Variants in CTNNA3 observed in about 807,000 individuals in gnomAD.
The protein encoded by CTNNA3 is catenin alpha-3.
A neutral mutation model predicts 95.7 loss-of-function variants in CTNNA3; 76 were observed. The ratio of observed to expected loss-of-function variants is 0.79; its 90% CI spans 0.66 to 0.96. The LOEUF (loss-of-function observed/expected upper bound fraction) is 0.96. Ranked by LOEUF, CTNNA3 falls within the 40% of genes least tolerant of loss-of-function variation. CTNNA3 has a pLI of 0.00. For missense variants in CTNNA3, 1,191 were observed against 1,089.8 expected (o/e 1.09, Z -1.31); for synonymous variants, 431 against 374.4 (o/e 1.15, Z -1.74).
Position 65,958,720 on chromosome 10 carries a change from C to T in CTNNA3, c.2400+7892G>A, listed in dbSNP as rs193166603. On this transcript the variant is annotated intron_variant, in intron 17 of 17. Transcript: ENST00000433211. Reference sequence around the variant, plus strand: ...CTGCAGAACAGCAAATATTGCAGAACGGCAAGTGCTGCTGCCTGATCCCTC... The same window carrying T: ...CTGCAGAACAGCAAATATTGCAGAATGGCAAGTGCTGCTGCCTGATCCCTC... 8.0e-4 allele frequency among the ~76,000 whole-genome samples: 122 copies of T among 152,262 alleles called. 1 individual carries two copies. Among genetic ancestry groups the T allele is most frequent in the African/African-American group, 2.2e-3 (90 of 41,546 alleles).
At chr10:67,422,346 T>G (rs1312385381) in intron 5 of CTNNA3, among the ~76,000 whole-genome samples, 1 of 152,138 alleles carries the variant, frequency 6.6e-6, no homozygotes, top group African/African-American at 2.4e-5. Flanking sequence ...GTCTCCAACT[T>G]ACTCTCAAAA....
intron 7 of CTNNA3, among the ~76,000 whole-genome samples, chr10:66,985,293 T>A (rs187192040): frequency 6.6e-6 from 1 of 152,308 alleles, no homozygotes; most frequent in Non-Finnish European, 1.5e-5. Context: ...ATAGCACATA[T>A]AATGCAGAAT....
chr10:66,803,837 A>T (rs960429699), intron 7 of CTNNA3, among the ~76,000 whole-genome samples: 1 of 152,048 alleles, frequency 6.6e-6, no homozygotes, highest in African/African-American at 2.4e-5. Flanking sequence ...CTACCTCTTA[A>T]ATCTTCCATT....
In CTNNA3 at chr10:66,754,815, G is replaced by A. The variant is rs543466421; in HGVS notation, c.1281+11449C>T. 3.2e-4 allele frequency among the ~76,000 whole-genome samples: 48 copies of A among 152,186 alleles called. No individual in the cohort carries two copies. The East Asian group carries it at 4.2e-3, about 13-fold the overall frequency. On this transcript the variant is annotated intron_variant, in intron 9 of 17. Transcript: ENST00000433211. ...CAAAGGCAAATAGTAACAACTGTTG[G>A]CATGTAGAGAATTGAAGCCTTCATA...
chr10:67,315,987 G>GA (rs1255094670), intron 5 of CTNNA3, among the ~76,000 whole-genome samples: 1 of 151,976 alleles, frequency 6.6e-6, no homozygotes, highest in Non-Finnish European at 1.5e-5. Context: ...GTACTTGAAA[G>GA]AAAAAATATG....
At chr10:66,038,403 C>T (rs575771572) in intron 15 of CTNNA3, among the ~76,000 whole-genome samples, 13 of 152,174 alleles carry the variant, frequency 8.5e-5, no homozygotes, top group Middle Eastern at 3.4e-3. Flanking sequence ...ACAGTAGCTT[C>T]GTGGCTGCAT....
chr10:66,161,232 T>C (rs73312155), intron 13 of CTNNA3, among the ~76,000 whole-genome samples: 4,854 of 152,282 alleles, frequency 0.032, 271 homozygotes, highest in African/African-American at 0.11. Flanking sequence ...TTTTGTTACT[T>C]GTGTACTTTG....
At chr10:66,844,705 C>A (rs974167671) in intron 7 of CTNNA3, among the ~76,000 whole-genome samples, 1 of 152,104 alleles carries the variant, frequency 6.6e-6, no homozygotes, top group Non-Finnish European at 1.5e-5. Flanking sequence ...TATTTTCATG[C>A]TGTTTCTTTT....
intron 9 of CTNNA3, among the ~76,000 whole-genome samples, chr10:66,728,217 A>G (rs1848838767): frequency 6.6e-6 from 1 of 152,196 alleles, no homozygotes; most frequent in African/African-American, 2.4e-5. Context: ...GGAAGGAATC[A>G]TGTGGCTAAT....
chr10:66,411,871 T>A (rs1393580821), intron 11 of CTNNA3, among the ~76,000 whole-genome samples: 2 of 152,022 alleles, frequency 1.3e-5, no homozygotes, highest in Non-Finnish European at 2.9e-5. Context: ...GAGGAAGGAA[T>A]TGTGCAAAAA....
chr10:66,389,073 T>C lies in CTNNA3; in HGVS notation c.1532-9721A>G, dbSNP rs1243413348. Among the ~76,000 whole-genome samples, 4 of 152,264 alleles carry C rather than the reference T, an allele frequency of 2.6e-5. No individual in the cohort carries two copies. The East Asian group carries it at 7.7e-4, about 29-fold the overall frequency. On this transcript the variant is annotated intron_variant, in intron 11 of 17. Coordinates refer to ENST00000433211, the MANE Select transcript of CTNNA3 (RefSeq NM_013266.4). ...AGCTTTTATGCCTAGCTACACAGCC[T>C]TTAAACTTTTAGGAAAGAAAAAAAA...
At chr10:66,975,966 A>G (rs1850006156) in intron 7 of CTNNA3, among the ~76,000 whole-genome samples, 1 of 152,232 alleles carries the variant, frequency 6.6e-6, no homozygotes, top group Admixed American at 6.5e-5. Flanking sequence ...ACTGCTTAAC[A>G]TGCTACTGCA....
intron 11 of CTNNA3, among the ~76,000 whole-genome samples, chr10:66,393,914 TA>T (rs2092953914): frequency 6.6e-6 from 1 of 151,894 alleles, no homozygotes; most frequent in Admixed American, 6.6e-5. Flanking sequence ...TAAGTTTCTA[TA>T]AAAAATGCTA....
chr10:67,443,771 C>G (rs1023006502), intron 5 of CTNNA3, among the ~76,000 whole-genome samples: 2 of 151,980 alleles, frequency 1.3e-5, no homozygotes, highest in African/African-American at 2.4e-5. Flanking sequence ...ATGGTAGTTT[C>G]TTTTGCTGTG....
intron 5 of CTNNA3, among the ~76,000 whole-genome samples, chr10:67,346,002 A>G (rs1277044733): frequency 1.3e-5 from 2 of 151,828 alleles, no homozygotes; most frequent in African/African-American, 4.8e-5. Flanking sequence ...TCCATTGTAT[A>G]TTTTTGGTTT....
At chr10:67,012,367 T>A (rs1314354483) in intron 7 of CTNNA3, 1 of 152,308 alleles carries the variant, frequency 6.6e-6, no homozygotes, top group East Asian at 1.9e-4. Flanking sequence ...GTCCTCTCTA[T>A]AGTATCTTCT....
intron 7 of CTNNA3, among the ~76,000 whole-genome samples, chr10:66,939,358 T>G (rs1225879087): frequency 6.6e-6 from 1 of 152,134 alleles, no homozygotes; most frequent in African/African-American, 2.4e-5. Flanking sequence ...TCTATCCAAC[T>G]TTTAAGTCAA....
chr10:67,566,039 GTGTGTATATATATATA>G lies in CTNNA3; in HGVS notation c.293-26386_293-26371del, dbSNP rs1156809469. On this transcript the variant is annotated intron_variant, in intron 3 of 17. Coordinates refer to ENST00000433211, the MANE Select transcript of CTNNA3 (RefSeq NM_013266.4). ...CAAACACACACACACACATATGTGT[GTGTGTATATATATATA>G]TATATATATATATATATACAAAACC... Among the ~76,000 whole-genome samples the G allele has an allele frequency of 1.0e-4, 2 of 19,882 alleles. 1 individual carries two copies. Among genetic ancestry groups the G allele is most frequent in the East Asian group, 6.9e-3 (2 of 288 alleles). The allele number at this position is 19,882 out of a possible 152,430, so 13.0% of individuals were successfully genotyped here.
chr10:66,610,937 A>G (rs931866031), intron 10 of CTNNA3, among the ~76,000 whole-genome samples: 1 of 152,160 alleles, frequency 6.6e-6, no homozygotes, highest in Non-Finnish European at 1.5e-5. Flanking sequence ...ATGTGTGTGT[A>G]TATACATGCA....
Sources: allele counts gnomAD v4.1 joint callset (sites outside exome capture counted in the v4.1 genomes callset), GRCh38; gene constraint gnomAD v4.1.1; transcripts MANE v1.5; gene names NCBI Gene and HGNC (gene_info 2026-07-23, HGNC 2026-07-21).